Variants in RASAL2 observed in about 807,000 individuals in gnomAD.
RASAL2 encodes RAS protein activator like 2, also known as ras GTPase-activating protein nGAP.
In RASAL2, 58 loss-of-function variants were observed where a neutral mutation model predicts 128.9. The observed-to-expected ratio is 0.45, with a 90% CI of 0.36 to 0.56. The LOEUF (loss-of-function observed/expected upper bound fraction) is 0.56. Among genes scored for constraint, RASAL2 ranks in the 20% least tolerant of loss-of-function variants. RASAL2 has a pLI of 0.00. For missense variants in RASAL2, 1,360 were observed against 1,601.6 expected (o/e 0.85, Z 2.57); for synonymous variants, 561 against 580.8 (o/e 0.97, Z 0.49).
intron 3 of RASAL2, among the ~76,000 whole-genome samples, chr1:178,322,834 T>G (rs1387634744): frequency 2.0e-5 from 3 of 152,256 alleles, no homozygotes; most frequent in Admixed American, 2.0e-4. Flanking sequence ...CTATATATTC[T>G]GACTGAGAGT....
chr1:178,176,458 T>C (rs1218296677), intron 1 of RASAL2, among the ~76,000 whole-genome samples: 1 of 152,030 alleles, frequency 6.6e-6, no homozygotes, highest in East Asian at 1.9e-4. Context: ...ATATTAGTTG[T>C]TTGTCAGATG....
chr1:178,452,648 G>C lies in RASAL2; in HGVS notation c.2005G>C (p.Ala669Pro). ...AKVIQNLANF[A>P]KFGNKEEYMA... ...GGTCATTCAGAACCTGGCCAACTTT[G>C]CCAAGTAGGTGATACTGTTGTAACC... Residue 669 changes from alanine (A) to proline (P), a missense_variant, in exon 11 of 18, where the codon GCC becomes CCC. Coordinates refer to ENST00000367649, the MANE Select transcript of RASAL2 (RefSeq NM_170692.4). The C allele has an allele frequency of 6.2e-7, 1 of 1,607,982 alleles. No individual in the cohort carries two copies.
chr1:178,248,651 A>G (rs1039489974), intron 1 of RASAL2, among the ~76,000 whole-genome samples: 5 of 152,018 alleles, frequency 3.3e-5, no homozygotes, highest in African/African-American at 9.7e-5. Context: ...TGTTCTTTAT[A>G]TTTTGTTATG....
intron 1 of RASAL2, among the ~76,000 whole-genome samples, chr1:178,139,134 T>C (rs1660440179): frequency 6.6e-6 from 1 of 152,054 alleles, no homozygotes; most frequent in Non-Finnish European, 1.5e-5. Flanking sequence ...GTTTCTGCTA[T>C]ACATATTTCT....
At chr1:178,246,251 G>A (rs761112497) in intron 1 of RASAL2, among the ~76,000 whole-genome samples, 24 of 152,078 alleles carry the variant, frequency 1.6e-4, no homozygotes, top group Non-Finnish European at 2.4e-4. Flanking sequence ...CTTGAGCAGT[G>A]GTTTGTAGTT....
At chr1:178,329,536 C>T (rs984960438) in intron 3 of RASAL2, among the ~76,000 whole-genome samples, 5 of 152,142 alleles carry the variant, frequency 3.3e-5, no homozygotes, top group Admixed American at 6.5e-5. Flanking sequence ...AAAATACTCT[C>T]TAAAGGATTT....
At chr1:178,341,516 G>A in intron 3 of RASAL2, 2 of 1,608,048 alleles carry the variant, frequency 1.2e-6, no homozygotes, top group Non-Finnish European at 1.7e-6. Context: ...GAGCACAGGC[G>A]AGTACAGTAT....
rs192068273 is a variant in RASAL2, at chr1:178,146,013, T to G, written c.202+51319T>G. On this transcript the variant is annotated intron_variant, in intron 1 of 17. Transcript: ENST00000367649. ...ATTGAGGAAGGAAGAGAGTGTGTAT[T>G]GGATAGGAAAATAGCATTCTCTTCT... Among the ~76,000 whole-genome samples, 6 of 152,320 alleles carry G rather than the reference T, an allele frequency of 3.9e-5. No homozygotes were observed. In the East Asian group the frequency reaches 1.2e-3, roughly 29 times the overall value.
At chr1:178,402,523 T>G (rs1407270361) in intron 4 of RASAL2, among the ~76,000 whole-genome samples, 1 of 152,144 alleles carries the variant, frequency 6.6e-6, no homozygotes, top group Non-Finnish European at 1.5e-5. Flanking sequence ...AGTTAGGAAA[T>G]AGCCTCTAGA....
chr1:178,273,300 T>C (rs941683815), intron 1 of RASAL2, among the ~76,000 whole-genome samples: 3 of 152,246 alleles, frequency 2.0e-5, no homozygotes, highest in African/African-American at 7.2e-5. Context: ...TGTCCTCTTG[T>C]ACTGTGTGTA....
intron 1 of RASAL2, among the ~76,000 whole-genome samples, chr1:178,152,801 G>A (rs1558083469): frequency 6.6e-6 from 1 of 152,174 alleles, no homozygotes; most frequent in Non-Finnish European, 1.5e-5. Flanking sequence ...CTCATGGCCA[G>A]TCTTGTTTCG....
chr1:178,349,401 C>T (rs1381835721), intron 3 of RASAL2, among the ~76,000 whole-genome samples: 1 of 151,954 alleles, frequency 6.6e-6, no homozygotes, highest in African/African-American at 2.4e-5. Context: ...TCCAGCCTGG[C>T]GACAGAGTGA....
chr1:178,124,036 G>A (rs1659807020), intron 1 of RASAL2, among the ~76,000 whole-genome samples: 1 of 152,072 alleles, frequency 6.6e-6, no homozygotes, highest in African/African-American at 2.4e-5. Context: ...CCCACCCAAA[G>A]GAAATATCCA....
At chr1:178,366,376 T>C (rs746813730) in intron 3 of RASAL2, among the ~76,000 whole-genome samples, 5 of 152,202 alleles carry the variant, frequency 3.3e-5, no homozygotes, top group Non-Finnish European at 7.4e-5. Context: ...CATGTATTAC[T>C]TGCCTTTGTT....
chr1:178,442,688 G>C lies in RASAL2; in HGVS notation c.941G>C (p.Arg314Pro). 6.2e-7 allele frequency: 1 copy of C among 1,603,478 alleles called. No individual in the cohort carries two copies. The highest frequency in any genetic ancestry group is 8.5e-7 in the Non-Finnish European group (1 of 1,174,254). Residue 314 changes from arginine to proline, a missense_variant, in exon 8 of 18, where the codon CGA (arginine) becomes CCA (proline). By Grantham distance (103) the Arg-to-Pro change is moderately radical. Around this residue, in one of 3 missense-constraint regions of RASAL2, gnomAD observed 617 missense variants for 714.2 expected, o/e 0.86. Transcript: ENST00000367649. ...TVQPNKDNCRRAENVLRLWII... is the reference protein window; with the variant it reads ...TVQPNKDNCRPAENVLRLWII... ...GCCTCTTTATAGGACAATTGCAGGC[G>C]AGCTGAAAATGTTCTTCGTTTATGG...
chr1:178,118,599 C>T (rs139478044), intron 1 of RASAL2, among the ~76,000 whole-genome samples: 606 of 152,340 alleles, frequency 4.0e-3, no homozygotes, highest in Non-Finnish European at 6.6e-3. Flanking sequence ...GGAAGTAATA[C>T]TTCAACTCTT....
intron 1 of RASAL2, among the ~76,000 whole-genome samples, chr1:178,245,465 G>A (rs1434667897): frequency 6.6e-6 from 1 of 152,046 alleles, no homozygotes; most frequent in Non-Finnish European, 1.5e-5. Flanking sequence ...TGTAGATTCT[G>A]GGTATCAGTT....
Position 178,200,055 on chromosome 1 carries a change from G to A in RASAL2, c.203-83509G>A, listed in dbSNP as rs1402309382. On this transcript the variant is annotated intron_variant, in intron 1 of 17. Transcript: ENST00000367649. ...CTTCCTTGCTCCTCAGCTTGCAGAC[G>A]GCCTATTATGGTACCTCGTGATCGT... Among the ~76,000 whole-genome samples the A allele has an allele frequency of 3.3e-5, 5 of 152,224 alleles. No homozygotes were observed. The East Asian group carries it at 5.8e-4, about 18-fold the overall frequency.
At chr1:178,411,065 C>T (rs1370940362) in intron 4 of RASAL2, among the ~76,000 whole-genome samples, 1 of 152,104 alleles carries the variant, frequency 6.6e-6, no homozygotes, top group Admixed American at 6.5e-5. Context: ...GACACTTGCA[C>T]ACGTATATAG....
Sources: allele counts gnomAD v4.1 joint callset (sites outside exome capture counted in the v4.1 genomes callset), GRCh38; gene constraint gnomAD v4.1.1; regional missense constraint gnomAD v4.1.1; transcripts MANE v1.5; gene names NCBI Gene and HGNC (gene_info 2026-07-23, HGNC 2026-07-21).